CYP7B1: variants seen among roughly 807,000 people sequenced by gnomAD.
CYP7B1 encodes cytochrome P450 family 7 subfamily B member 1, also known as cytochrome P450 7B1.
A neutral mutation model predicts 42.7 loss-of-function variants in CYP7B1; 29 were observed. That is an observed-to-expected ratio of 0.68 (90% CI 0.51 to 0.93). The LOEUF (loss-of-function observed/expected upper bound fraction) is 0.93. Ranked by LOEUF, CYP7B1 falls within the 40% of genes least tolerant of loss-of-function variation. The probability of loss-of-function intolerance (pLI) is 0.00; values close to 1 mark genes in which losing one functional copy is unlikely to be tolerated. For synonymous variants in CYP7B1, 235 were observed against 218.2 expected, an observed-to-expected ratio of 1.08 and a Z score of -0.68; for missense variants, 655 against 600.5, an observed-to-expected ratio of 1.09 and a Z score of -0.95.
chr8:64,717,858 T>TA (rs1488268592), intron 1 of CYP7B1, among the ~76,000 whole-genome samples: 1 of 94,886 alleles, frequency 1.1e-5, no homozygotes, highest in Non-Finnish European at 2.4e-5. Context: ...AAAAAATAAG[T>TA]TTTTTTTTTT....
At chr8:64,604,086 C>T (rs1433877538) in intron 5 of CYP7B1, among the ~76,000 whole-genome samples, 2 of 152,152 alleles carry the variant, frequency 1.3e-5, no homozygotes, top group Non-Finnish European at 2.9e-5. Context: ...TATTCATTAA[C>T]TCCAGCTTCA....
Position 64,615,812 on chromosome 8 carries a change from C to G in CYP7B1, c.729G>C (p.Glu243Asp). ...ELLGNVKSIR[E>D]KIIKCFSSEK... ...CTGATGAGAAGCATTTTATAATTTT[C>G]TCTCTAATAGACTTGACATTTCCTA... The change falls in exon 3 of 6, where the codon GAG (glutamate) becomes GAC (aspartate). Residue 243 changes from glutamate to aspartate, a missense_variant. Transcript: ENST00000310193. 2 of 1,613,740 alleles carry G rather than the reference C, an allele frequency of 1.2e-6. No homozygotes were observed. The highest frequency in any genetic ancestry group is 1.7e-6 in the Non-Finnish European group (2 of 1,179,764).
At chr8:64,786,962 T>C (rs1804538671) in intron 1 of CYP7B1, among the ~76,000 whole-genome samples, 1 of 152,246 alleles carries the variant, frequency 6.6e-6, no homozygotes, top group East Asian at 1.9e-4. Context: ...TCTGAAGCAA[T>C]GGCCCTAGCT....
At chr8:64,733,239 C>T (rs991723071) in intron 1 of CYP7B1, among the ~76,000 whole-genome samples, 1 of 152,124 alleles carries the variant, frequency 6.6e-6, no homozygotes, top group Admixed American at 6.5e-5. Context: ...GAAATCTGAC[C>T]ACTTTAAGAG....
chr8:64,587,814 A>C (rs570900656), downstream of CYP7B1: 1 of 152,334 alleles, frequency 6.6e-6, no homozygotes, highest in African/African-American at 2.4e-5. Context: ...AAGAGAAATG[A>C]ATGGGTTGGG....
chr8:64,644,268 T>C (rs910996771), intron 1 of CYP7B1, among the ~76,000 whole-genome samples: 7 of 143,058 alleles, frequency 4.9e-5, no homozygotes, highest in African/African-American at 1.8e-4. Context: ...TGGGACTCCA[T>C]CTCAAAAAAA....
rs1177318927 is a variant in CYP7B1 at position 64,594,748 on chromosome 8, A to G, written c.*1894T>C. Among the ~76,000 whole-genome samples, 1 of 152,226 alleles carries G rather than the reference A, an allele frequency of 6.6e-6. No individual in the cohort carries two copies. The highest frequency in any genetic ancestry group is 1.5e-5 in the Non-Finnish European group (1 of 68,034). On this transcript the variant is annotated 3_prime_UTR_variant, in exon 6 of 6. Transcript: ENST00000310193. Reference sequence around the variant, plus strand: ...TATACTGTTCAAAGAAGAAACTGGAAGAGACATCTAAAGAAATTACATGGA... The same window carrying G: ...TATACTGTTCAAAGAAGAAACTGGAGGAGACATCTAAAGAAATTACATGGA...
intron 1 of CYP7B1, among the ~76,000 whole-genome samples, chr8:64,797,955 C>G (rs1384820401): frequency 6.6e-6 from 1 of 152,178 alleles, no homozygotes; most frequent in Admixed American, 6.5e-5. Context: ...TCATTTAGTA[C>G]TCACAAAAAT....
At chr8:64,787,024 G>C (rs1804539319) in intron 1 of CYP7B1, among the ~76,000 whole-genome samples, 1 of 152,224 alleles carries the variant, frequency 6.6e-6, no homozygotes, top group Admixed American at 6.5e-5. Flanking sequence ...TGGGACACAG[G>C]GCATGATGTC....
At position 64,624,445 on chromosome 8, in the gene CYP7B1, G is replaced by C; in HGVS notation, c.217C>G (p.Leu73Val). ...AAAGTGTCACCATGTTGCTTTTGAAGTGTTTTCATGAACCTTAAGGGGTCT... is the reference window on the plus strand; with the variant it reads ...AAAGTGTCACCATGTTGCTTTTGAACTGTTTTCATGAACCTTAAGGGGTCT... ...RKDPLRFMKT[L>V]QKQHGDTFTV... The change falls in exon 2 of 6, where the codon CTT (leucine) becomes GTT (valine). Residue 73 changes from leucine (L) to valine (V), a missense_variant. Coordinates refer to ENST00000310193, the MANE Select transcript of CYP7B1 (RefSeq NM_004820.5). The C allele has an allele frequency of 6.2e-7, 1 of 1,613,466 alleles. No homozygotes were observed. The highest frequency in any genetic ancestry group is 8.5e-7 in the Non-Finnish European group (1 of 1,179,892).
rs940975782 is a variant in CYP7B1, at chr8:64,592,152, G to C, written c.*4490C>G. On this transcript the variant is annotated 3_prime_UTR_variant, in exon 6 of 6. Transcript: ENST00000310193. ...GCAGTGAGCTGAGATCATGCCACTG[G>C]ACTCCAGCCTGGGCGACAGAGCAAG... Among the ~76,000 whole-genome samples, 3 of 151,396 alleles carry C rather than the reference G, an allele frequency of 2.0e-5. No individual in the cohort carries two copies. The highest frequency in any genetic ancestry group is 7.3e-5 in the African/African-American group (3 of 41,194).
At chr8:64,589,286 T>C (rs1805005577), downstream of CYP7B1, among the ~76,000 whole-genome samples, 5 of 152,236 alleles carry the variant, frequency 3.3e-5, no homozygotes, top group South Asian at 1.0e-3. Flanking sequence ...TAATTTAATT[T>C]TCTGCAAGCA....
At chr8:64,678,667 G>A (rs1322000626) in intron 1 of CYP7B1, among the ~76,000 whole-genome samples, 1 of 152,148 alleles carries the variant, frequency 6.6e-6, no homozygotes, top group South Asian at 2.1e-4. Flanking sequence ...TACTGCTGCT[G>A]CTGGGGATGA....
At chr8:64,621,462 C>A (rs777643561) in intron 2 of CYP7B1, among the ~76,000 whole-genome samples, 5 of 152,140 alleles carry the variant, frequency 3.3e-5, no homozygotes, top group Admixed American at 1.3e-4. Context: ...CCATGTCAGT[C>A]AGGTAAACAA....
intron 1 of CYP7B1, among the ~76,000 whole-genome samples, chr8:64,669,357 T>C (rs559388421): frequency 6.6e-6 from 1 of 151,956 alleles, no homozygotes; most frequent in Admixed American, 6.6e-5. Flanking sequence ...TGTAAATGCC[T>C]CCCCCTCCAT....
At chr8:64,686,139 T>A in intron 1 of CYP7B1, among the ~76,000 whole-genome samples, 1 of 68,712 alleles carries the variant, frequency 1.5e-5, no homozygotes, top group South Asian at 6.2e-4. Flanking sequence ...CCGCCCCGTC[T>A]GGGAGGTGAG....
rs1259504062 is a variant in CYP7B1 at position 64,596,132 on chromosome 8, G to A, written c.*510C>T. 6.1e-6 allele frequency: 1 copy of A among 162,946 alleles called. No homozygotes were observed. The highest frequency in any genetic ancestry group is 2.4e-5 in the African/African-American group (1 of 41,602). The allele number at this position is 162,946 out of a possible 1,614,324, so 10.1% of individuals were successfully genotyped here. A position where few individuals can be genotyped will look rare whatever the true frequency, so the allele number is the denominator to read the frequency against. On this transcript the variant is annotated 3_prime_UTR_variant, in exon 6 of 6. Coordinates refer to ENST00000310193, the MANE Select transcript of CYP7B1 (RefSeq NM_004820.5). Reference sequence around the variant, plus strand: ...ACTCATTTAATGCACACATACCCTGGAAATATAGGTATTATTAATATTATA... The same window carrying A: ...ACTCATTTAATGCACACATACCCTGAAAATATAGGTATTATTAATATTATA...
intron 1 of CYP7B1, among the ~76,000 whole-genome samples, chr8:64,775,561 G>C (rs1477255226): frequency 6.6e-6 from 1 of 152,102 alleles, no homozygotes; most frequent in African/African-American, 2.4e-5. Flanking sequence ...AGGTGCTGAG[G>C]ACAGAGAGAT....
chr8:64,780,040 G>T (rs898766756), intron 1 of CYP7B1, among the ~76,000 whole-genome samples: 2 of 152,072 alleles, frequency 1.3e-5, no homozygotes, highest in Non-Finnish European at 2.9e-5. Context: ...GTGCAGTTAG[G>T]TTTATGCAAA....
Sources: allele counts gnomAD v4.1 joint callset (sites outside exome capture counted in the v4.1 genomes callset), GRCh38; gene constraint gnomAD v4.1.1; transcripts MANE v1.5; gene names NCBI Gene and HGNC (gene_info 2026-07-23, HGNC 2026-07-21).